Variants in SLC22A25 observed in about 807,000 individuals in gnomAD.
SLC22A25 encodes solute carrier family 22 member 25.
A neutral mutation model predicts 45.9 loss-of-function variants in SLC22A25; 44 were observed. That is an observed-to-expected ratio of 0.96 (90% CI 0.75 to 1.23). SLC22A25 has a LOEUF of 1.23. Ranked by LOEUF, SLC22A25 falls within the 50% of genes most tolerant of loss-of-function variation. The pLI is 0.00. For synonymous variants in SLC22A25, 283 were observed against 238.6 expected (o/e 1.19, Z -1.72); for missense variants, 800 against 666.4 (o/e 1.20, Z -2.21).
rs2090011475 is a variant in SLC22A25 at position 63,228,706 on chromosome 11, G to A, written c.403-142C>T. 1.1e-5 allele frequency: 7 copies of A among 613,368 alleles called. No individual in the cohort carries two copies. In the South Asian group the frequency reaches 1.6e-4, roughly 14 times the overall value. 38.0% of individuals were successfully genotyped at this position (613,368 alleles called of 1,614,324 possible). Reference sequence around the variant, plus strand: ...TGCATTACCTGATATTCACTGTTCAGGTCTCAACTTAAGCACAACTTTCTC... The same window carrying A: ...TGCATTACCTGATATTCACTGTTCAAGTCTCAACTTAAGCACAACTTTCTC... On this transcript the variant is annotated intron_variant, in intron 4 of 11. Coordinates refer to ENST00000306494, the MANE Select transcript of SLC22A25 (RefSeq NM_199352.6).
chr11:63,217,939 A>T (rs1275245816), intron 5 of SLC22A25: 2 of 673,590 alleles, frequency 3.0e-6, no homozygotes, highest in Non-Finnish European at 5.1e-6. Flanking sequence ...AGTGTATAAA[A>T]GTTTCTTCTC....
chr11:63,218,087 A>G (rs563490829), intron 5 of SLC22A25: 35 of 483,822 alleles, frequency 7.2e-5, no homozygotes, highest in Non-Finnish European at 1.3e-4. Context: ...TCACATGTTC[A>G]TTGAAGCACT....
intron 9 of SLC22A25, among the ~76,000 whole-genome samples, chr11:63,169,673 T>C (rs2087809435): frequency 6.6e-6 from 1 of 152,164 alleles, no homozygotes. Flanking sequence ...AAGCAAGTTA[T>C]TAGAGACCTA....
chr11:63,200,125 G>A (rs574899565), intron 7 of SLC22A25, among the ~76,000 whole-genome samples: 2 of 151,848 alleles, frequency 1.3e-5, no homozygotes, highest in South Asian at 2.1e-4. Context: ...AAAAAATTGA[G>A]GAGTAGAAAC....
chr11:63,208,366 C>T (rs1426926740), intron 7 of SLC22A25: 1 of 152,330 alleles, frequency 6.6e-6, no homozygotes, highest in African/African-American at 2.4e-5. Flanking sequence ...GGAACAACCA[C>T]TAATCCAACC....
chr11:63,189,553 T>C (rs556107530), intron 7 of SLC22A25, among the ~76,000 whole-genome samples: 1 of 152,310 alleles, frequency 6.6e-6, no homozygotes, highest in East Asian at 1.9e-4. Context: ...CATTTGAGGG[T>C]AATATTGTTA....
At chr11:63,232,429 CTGTT>C (rs1383338052) in intron 3 of SLC22A25, among the ~76,000 whole-genome samples, 4 of 152,260 alleles carry the variant, frequency 2.6e-5, no homozygotes, top group Admixed American at 1.3e-4. Flanking sequence ...ATTCGGCTCT[CTGTT>C]TGTCTGCTAT....
chr11:63,214,742 C>G (rs2089667358), intron 7 of SLC22A25, among the ~76,000 whole-genome samples: 1 of 151,956 alleles, frequency 6.6e-6, no homozygotes, highest in South Asian at 2.1e-4. Flanking sequence ...TCTCCCCCCA[C>G]CCCACGAAAT....
intron 9 of SLC22A25, among the ~76,000 whole-genome samples, chr11:63,171,119 A>G (rs560788786): frequency 1.3e-5 from 2 of 152,226 alleles, no homozygotes; most frequent in South Asian, 2.1e-4. Flanking sequence ...AACACCCTTC[A>G]TGGTAAACTA....
chr11:63,222,961 C>T (rs1033352843), intron 5 of SLC22A25, among the ~76,000 whole-genome samples: 1 of 151,826 alleles, frequency 6.6e-6, no homozygotes, highest in Non-Finnish European at 1.5e-5. Flanking sequence ...ATCTTTGTAT[C>T]CCTGGTTCAA....
chr11:63,196,906 G>A (rs1164919928), intron 7 of SLC22A25, among the ~76,000 whole-genome samples: 2 of 152,134 alleles, frequency 1.3e-5, no homozygotes. Context: ...ACTCAGCAAA[G>A]TCTCAGGATA....
chr11:63,175,284 A>T (rs1251228457), intron 9 of SLC22A25, among the ~76,000 whole-genome samples: 2 of 152,054 alleles, frequency 1.3e-5, no homozygotes, highest in African/African-American at 4.8e-5. Flanking sequence ...TTATTTATTT[A>T]TTCAATTTAT....
intron 5 of SLC22A25, among the ~76,000 whole-genome samples, chr11:63,223,495 T>C (rs1466355052): frequency 3.3e-5 from 5 of 152,094 alleles, no homozygotes; most frequent in East Asian, 1.9e-4. Flanking sequence ...TCTGATTTTA[T>C]TTACATAGGG....
At chr11:63,219,981 C>T in intron 5 of SLC22A25, 1 of 1,289,308 alleles carries the variant, frequency 7.8e-7, no homozygotes. Flanking sequence ...AGTCCCTCGT[C>T]ACAATCAGTG....
chr11:63,234,701 G>C (rs1364476135), intron 3 of SLC22A25, among the ~76,000 whole-genome samples: 2 of 152,140 alleles, frequency 1.3e-5, no homozygotes, highest in Non-Finnish European at 2.9e-5. Flanking sequence ...TGGTTATTTT[G>C]CTTGTTAGTT....
intron 7 of SLC22A25, among the ~76,000 whole-genome samples, chr11:63,196,694 A>G (rs2089046836): frequency 6.6e-6 from 1 of 152,234 alleles, no homozygotes; most frequent in Non-Finnish European, 1.5e-5. Context: ...GAAAACTGGC[A>G]CAAAACAGGG....
chr11:63,239,852 G>A lies in SLC22A25; in HGVS notation c.-995-717C>T, dbSNP rs939061133. 3.9e-5 allele frequency among the ~76,000 whole-genome samples: 6 copies of A among 152,174 alleles called. No individual in the cohort carries two copies. The East Asian group carries it at 7.7e-4, about 20-fold the overall frequency. ...GGCTCGTTCCAGGGATACAATAAGT[G>A]CAAGATAAGGTCTTCAAGGTTCTTA... On this transcript the variant is annotated intron_variant, in intron 1 of 11. Transcript: ENST00000306494.
chr11:63,165,528 T>C (rs2087649945), intron 10 of SLC22A25, among the ~76,000 whole-genome samples: 1 of 152,246 alleles, frequency 6.6e-6, no homozygotes, highest in Admixed American at 6.5e-5. Context: ...ACGGGACTTT[T>C]GTTTCTTTGA....
At position 63,229,527 on chromosome 11, in the gene SLC22A25, T is replaced by C. The variant is rs951922595; in HGVS notation, c.126A>G (p.Ala42=). ...YHQTQLENFA[A]FILDHRCWVH... ...CCCAGCAGCGATGATCAAGTATGAA[T>C]GCTGCGAAGTTCTCCAGCTGAGTTT... The change falls in exon 4 of 12, where the codon GCA becomes GCG. Residue 42 remains alanine (A), a synonymous_variant. Transcript: ENST00000306494. The C allele has an allele frequency of 3.9e-5, 63 of 1,614,032 alleles. No homozygotes were observed. Among genetic ancestry groups the C allele is most frequent in the Non-Finnish European group, 5.1e-5 (60 of 1,180,000 alleles).
Sources: allele counts gnomAD v4.1 joint callset (sites outside exome capture counted in the v4.1 genomes callset), GRCh38; gene constraint gnomAD v4.1.1; transcripts MANE v1.5; gene names NCBI Gene and HGNC (gene_info 2026-07-23, HGNC 2026-07-21).